ABCD2: variants seen among roughly 807,000 people sequenced by gnomAD.
The protein encoded by ABCD2 is ATP-binding cassette sub-family D member 2.
ABCD2 carries 36 observed loss-of-function variants against 70.9 expected under a neutral mutation model. That is an observed-to-expected ratio of 0.51 (90% CI 0.39 to 0.67). ABCD2 has a LOEUF of 0.67. Among genes scored for constraint, ABCD2 ranks in the 30% least tolerant of loss-of-function variants. ABCD2 has a pLI of 0.00. For missense variants in ABCD2, 729 were observed against 890.2 expected (o/e 0.82, Z 2.30); for synonymous variants, 304 against 306.9 (o/e 0.99, Z 0.10).
In ABCD2 at chr12:39,618,952, C is replaced by T; in HGVS notation, c.664G>A (p.Ala222Thr). 4 of 1,614,174 alleles carry T rather than the reference C, an allele frequency of 2.5e-6. No individual in the cohort carries two copies. Among genetic ancestry groups the T allele is most frequent in the Non-Finnish European group, 3.4e-6 (4 of 1,180,032 alleles). The change falls in exon 1 of 10, where the codon GCT (alanine) becomes ACT (threonine). Residue 222 changes from alanine (A) to threonine (T), a missense_variant. By Grantham distance (58) the Ala-to-Thr change is moderately conservative (BLOSUM62 0). This residue lies in a region of ABCD2 where 195 missense variants were observed against 300.2 expected (regional missense o/e 0.65). Coordinates refer to ENST00000308666, the MANE Select transcript of ABCD2 (RefSeq NM_005164.4). ...EDIMMFSQSV[A>T]HLYSNLTKPI... ...TTGGTCAGATTGGAATACAAGTGAGCCACAGATTGGGAGAACATCATAATA... is the reference window on the plus strand; with the variant it reads ...TTGGTCAGATTGGAATACAAGTGAGTCACAGATTGGGAGAACATCATAATA...
chr12:39,588,581 A>G (rs1236384057), intron 6 of ABCD2, among the ~76,000 whole-genome samples: 1 of 152,240 alleles, frequency 6.6e-6, no homozygotes, highest in East Asian at 1.9e-4. Flanking sequence ...GATTGCCAAT[A>G]CTTTGACTTC....
chr12:39,593,495 T>A (rs538101255), intron 6 of ABCD2, among the ~76,000 whole-genome samples: 1 of 152,260 alleles, frequency 6.6e-6, no homozygotes, highest in South Asian at 2.1e-4. Flanking sequence ...CAAGTGATTA[T>A]CCAACCTCAG....
chr12:39,561,523 C>CA (rs1424650685), intron 9 of ABCD2, among the ~76,000 whole-genome samples: 2 of 151,890 alleles, frequency 1.3e-5, no homozygotes, highest in Non-Finnish European at 2.9e-5. Context: ...ATATTTTATC[C>CA]AAATGAAAAC....
At chr12:39,610,516 A>G (rs1206735417) in intron 2 of ABCD2, among the ~76,000 whole-genome samples, 1 of 152,234 alleles carries the variant, frequency 6.6e-6, no homozygotes, top group Non-Finnish European at 1.5e-5. Context: ...GTAAATTCTT[A>G]TATCAGTTAA....
chr12:39,569,652 C>T (rs917035516), intron 9 of ABCD2, among the ~76,000 whole-genome samples: 1 of 152,152 alleles, frequency 6.6e-6, no homozygotes, highest in South Asian at 2.1e-4. Context: ...CTTTCTGACA[C>T]TCCCCAGTGA....
rs1026549478 is a variant in ABCD2, at chr12:39,550,579, T to A, written c.*3333A>T. ...ATCAACAATGAAGAAGAAATTGGTT[T>A]TTAAAAAAATATTTTATACATCCAC... On this transcript the variant is annotated 3_prime_UTR_variant, in exon 10 of 10. Coordinates refer to ENST00000308666, the MANE Select transcript of ABCD2 (RefSeq NM_005164.4). 2.0e-5 allele frequency: 3 copies of A among 151,780 alleles called. No individual in the cohort carries two copies. Among genetic ancestry groups the A allele is most frequent in the Non-Finnish European group, 3.0e-5 (2 of 67,718 alleles). 9.4% of individuals were successfully genotyped at this position (151,780 alleles called of 1,614,324 possible).
intron 9 of ABCD2, among the ~76,000 whole-genome samples, chr12:39,564,690 A>G (rs1262953945): frequency 1.3e-5 from 2 of 152,032 alleles, no homozygotes; most frequent in African/African-American, 4.8e-5. Context: ...TGTTTTAGAC[A>G]TGAAGTCCTT....
intron 6 of ABCD2, among the ~76,000 whole-genome samples, chr12:39,586,845 A>G (rs1397193205): frequency 6.6e-6 from 1 of 152,236 alleles, no homozygotes; most frequent in Admixed American, 6.5e-5. Context: ...CAAAACAAAA[A>G]AATTTAATTC....
downstream of ABCD2, among the ~76,000 whole-genome samples, chr12:39,545,695 G>T (rs1483233159): frequency 6.6e-6 from 1 of 152,052 alleles, no homozygotes; most frequent in Non-Finnish European, 1.5e-5. Flanking sequence ...TGGCCATTAG[G>T]GTAAGGTTGT....
chr12:39,543,483 A>G, the ABCD2 span, among the ~76,000 whole-genome samples: 4 of 152,220 alleles, frequency 2.6e-5, no homozygotes, highest in Non-Finnish European at 5.9e-5. Flanking sequence ...TGTATGAAAG[A>G]TATAAGCATG....
At chr12:39,567,017 C>G (rs1941360847) in intron 9 of ABCD2, among the ~76,000 whole-genome samples, 1 of 152,106 alleles carries the variant, frequency 6.6e-6, no homozygotes, top group South Asian at 2.1e-4. Context: ...AATTTCTGTT[C>G]TTTTACGTTT....
At chr12:39,591,019 A>G (rs1036382127) in intron 6 of ABCD2, among the ~76,000 whole-genome samples, 1 of 152,164 alleles carries the variant, frequency 6.6e-6, no homozygotes, top group Non-Finnish European at 1.5e-5. Context: ...ATAAAATTTA[A>G]TTGGAACAAT....
At chr12:39,546,389 G>A (rs1176559376), downstream of ABCD2, among the ~76,000 whole-genome samples, 2 of 152,046 alleles carry the variant, frequency 1.3e-5, no homozygotes, top group African/African-American at 4.8e-5. Context: ...GCCATGTATT[G>A]TTCTAGGTGC....
chr12:39,531,877 A>T, the ABCD2 span, among the ~76,000 whole-genome samples: 2 of 152,276 alleles, frequency 1.3e-5, no homozygotes, highest in Admixed American at 1.3e-4. Context: ...GGGCGCCTGG[A>T]TTGAAAAATC....
At chr12:39,572,419 C>G (rs1451108158) in intron 9 of ABCD2, among the ~76,000 whole-genome samples, 1 of 152,084 alleles carries the variant, frequency 6.6e-6, no homozygotes, top group Non-Finnish European at 1.5e-5. Flanking sequence ...TGGTCTTCTT[C>G]AGGATAAAAG....
chr12:39,535,846 A>G, the ABCD2 span, among the ~76,000 whole-genome samples: 1 of 152,206 alleles, frequency 6.6e-6, no homozygotes, highest in African/African-American at 2.4e-5. Context: ...AAAAATTTAA[A>G]CAATAAAGAA....
intron 1 of ABCD2, among the ~76,000 whole-genome samples, chr12:39,617,626 A>G (rs752060456): frequency 2.0e-5 from 3 of 152,158 alleles, no homozygotes; most frequent in Non-Finnish European, 2.9e-5. Flanking sequence ...CAATAGTTCA[A>G]GAAGAATCAC....
chr12:39,563,809 A>G (rs1027778869), intron 9 of ABCD2, among the ~76,000 whole-genome samples: 1 of 152,038 alleles, frequency 6.6e-6, no homozygotes, highest in African/African-American at 2.4e-5. Context: ...CCTGTGTGTG[A>G]TATTCCCCTT....
At position 39,578,677 on chromosome 12, in the gene ABCD2, T is replaced by TA. The variant is rs369706907; in HGVS notation, c.1877+857dup. On this transcript the variant is annotated intron_variant, in intron 8 of 9. Coordinates refer to ENST00000308666, the MANE Select transcript of ABCD2 (RefSeq NM_005164.4). ...AAAAGGCTATGAAGCTGGTTACAAT[T>TA]AAAAATGTTTTATCAGAAGCAATTA... is the stretch of plus-strand genomic sequence containing the variant. Among the ~76,000 whole-genome samples, 959 of 151,440 alleles carry TA rather than the reference T, an allele frequency of 6.3e-3. 8 individuals carry two copies. The highest frequency in any genetic ancestry group is 0.022 in the African/African-American group (920 of 41,236).
Sources: allele counts gnomAD v4.1 joint callset (sites outside exome capture counted in the v4.1 genomes callset), GRCh38; gene constraint gnomAD v4.1.1; regional missense constraint gnomAD v4.1.1; transcripts MANE v1.5; gene names NCBI Gene and HGNC (gene_info 2026-07-23, HGNC 2026-07-21).